Variants in PLCXD1 observed in about 807,000 individuals in gnomAD.
PLCXD1 encodes the protein phosphatidylinositol specific phospholipase C X domain containing 1.
A neutral mutation model predicts 37.8 loss-of-function variants in PLCXD1; 45 were observed. The ratio of observed to expected loss-of-function variants is 1.19; its 90% CI spans 0.94 to 1.53. PLCXD1 has a LOEUF of 1.53. Ranked by LOEUF, PLCXD1 falls within the 40% of genes most tolerant of loss-of-function variation. The pLI is 0.00. For synonymous variants in PLCXD1, 246 were observed against 206.9 expected, an observed-to-expected ratio of 1.19 and a Z score of -1.62; for missense variants, 539 against 454.7, an observed-to-expected ratio of 1.19 and a Z score of -1.69.
chrX:282,926 C>T (rs1569564365), intron 1 of PLCXD1, among the ~76,000 whole-genome samples: 3 of 128,018 alleles, frequency 2.3e-5, no homozygotes, highest in African/African-American at 6.3e-5. Context: ...ATATGTTATA[C>T]ATGTATGTTA....
chrX:278,246 G>T (rs759760664), upstream of PLCXD1, among the ~76,000 whole-genome samples: 1 of 119,424 alleles, frequency 8.4e-6, no homozygotes, highest in Non-Finnish European at 1.9e-5. Flanking sequence ...TGAAGGTGAC[G>T]GGAGGGGAGG....
rs370699823 is a variant in PLCXD1 at position 301,689 on chromosome X, A to C, written c.*2354A>C. 4 of 152,300 alleles carry C rather than the reference A, an allele frequency of 2.6e-5. No homozygotes were observed. Among genetic ancestry groups the C allele is most frequent in the East Asian group, 1.9e-4 (1 of 5,190 alleles). The allele number at this position is 152,300 out of a possible 1,614,324, so 9.4% of individuals were successfully genotyped here. A position where few individuals can be genotyped will look rare whatever the true frequency, so the allele number is the denominator to read the frequency against. On this transcript the variant is annotated 3_prime_UTR_variant, in exon 7 of 7. Transcript: ENST00000381657. ...CGCCCAGGCTGGAGTGCAGTGGCGC[A>C]GTCTCAGCTCACTGCAACCTCTGCC...
chrX:285,233 G>A (rs2069410041), intron 2 of PLCXD1, among the ~76,000 whole-genome samples: 1 of 151,886 alleles, frequency 6.6e-6, no homozygotes, highest in African/African-American at 2.4e-5. Context: ...TGTATACATG[G>A]ATGTAGGCAC....
At chrX:276,974 C>T (rs1325110356), upstream of PLCXD1, among the ~76,000 whole-genome samples, 2 of 152,132 alleles carry the variant, frequency 1.3e-5, no homozygotes, top group African/African-American at 2.4e-5. Flanking sequence ...GGCGGGTCAC[C>T]GGGCGTCTGG....
At chrX:280,355 A>G (rs369900372), upstream of PLCXD1, among the ~76,000 whole-genome samples, 10,701 of 22,538 alleles carry the variant, frequency 0.47, 1,127 homozygotes, top group East Asian at 0.52. Flanking sequence ...TGCAGGGGGA[A>G]GGGGGGCCGT....
In PLCXD1 at chrX:300,165, G is replaced by C. The variant is rs905288939; in HGVS notation, c.*830G>C. 3.9e-5 allele frequency: 6 copies of C among 151,916 alleles called. No individual in the cohort carries two copies. The highest frequency in any genetic ancestry group is 1.5e-4 in the African/African-American group (6 of 41,330). The allele number at this position is 151,916 out of a possible 1,614,324, so 9.4% of individuals were successfully genotyped here. Reference sequence around the variant, plus strand: ...AGCCTCCCAGAGTGCTGGGATGACAGTCAAGAACCACCATGGCAGCCCATA... The same window carrying C: ...AGCCTCCCAGAGTGCTGGGATGACACTCAAGAACCACCATGGCAGCCCATA... On this transcript the variant is annotated 3_prime_UTR_variant, in exon 7 of 7. Coordinates refer to ENST00000381657, the MANE Select transcript of PLCXD1 (RefSeq NM_018390.4).
chrX:289,797 C>T (rs1308224420), intron 3 of PLCXD1, among the ~76,000 whole-genome samples: 2 of 152,060 alleles, frequency 1.3e-5, no homozygotes, highest in African/African-American at 2.4e-5. Context: ...AGGCGTCAGC[C>T]ACCGCGCCCG....
chrX:288,085 G>C (rs1365097620), intron 2 of PLCXD1, among the ~76,000 whole-genome samples: 1 of 150,864 alleles, frequency 6.6e-6, no homozygotes, highest in South Asian at 2.1e-4. Flanking sequence ...CCATCTCCAC[G>C]TGGCCTCCTC....
rs1319358860 is a variant in PLCXD1, at chrX:300,456, GTGTATA to G, written c.*1125_*1130del. ...TATATATGTATGTATGTTTATACATGTGTATATGTGTGTGTGTGTGTGTATATGTGT... is the reference window on the plus strand; with the variant it reads ...TATATATGTATGTATGTTTATACATGTGTGTGTGTGTGTGTGTATATGTGT... On this transcript the variant is annotated 3_prime_UTR_variant, in exon 7 of 7. Transcript: ENST00000381657. The G allele has an allele frequency of 4.4e-5, 6 of 137,702 alleles. No individual in the cohort carries two copies. The highest frequency in any genetic ancestry group is 6.3e-5 in the Non-Finnish European group (4 of 63,562). The allele number at this position is 137,702 out of a possible 1,614,324, so 8.5% of individuals were successfully genotyped here.
At chrX:283,578 G>A (rs1456901076) in intron 1 of PLCXD1, 1 of 144,532 alleles carries the variant, frequency 6.9e-6, no homozygotes, top group Non-Finnish European at 1.5e-5. Context: ...TGTCAGGCCC[G>A]GGTGGGGGCG....
Position 293,174 on chromosome X carries a change from C to T in PLCXD1, c.689C>T (p.Ala230Val). The change falls in exon 6 of 7, where the codon GCC (alanine) becomes GTC (valine). Residue 230 changes from alanine to valine, a missense_variant. Coordinates refer to ENST00000381657, the MANE Select transcript of PLCXD1 (RefSeq NM_018390.4). ...TGGGGAAACAGGGTGAAGACCGAGG[C>T]CCTCATCCGATACCTGGAGACCATG... ...YWWGNRVKTE[A>V]LIRYLETMKS... The T allele has an allele frequency of 6.2e-7, 1 of 1,612,724 alleles. No homozygotes were observed. The highest frequency in any genetic ancestry group is 1.1e-5 in the South Asian group (1 of 91,008).
intron 6 of PLCXD1, among the ~76,000 whole-genome samples, chrX:296,913 G>A (rs2069831204): frequency 7.3e-6 from 1 of 136,950 alleles, no homozygotes; most frequent in Non-Finnish European, 1.7e-5. Flanking sequence ...GACATCTTTG[G>A]GGCCATTATT....
At chrX:289,324 T>C (rs1489537925) in intron 3 of PLCXD1, among the ~76,000 whole-genome samples, 1 of 151,970 alleles carries the variant, frequency 6.6e-6, no homozygotes. Flanking sequence ...CCTGACCTCA[T>C]GATCTGCCCG....
upstream of PLCXD1, among the ~76,000 whole-genome samples, chrX:279,081 G>C (rs2069210222): frequency 6.6e-6 from 1 of 152,100 alleles, no homozygotes; most frequent in South Asian, 2.1e-4. Context: ...AGCAAAAGGT[G>C]GTTATCTATT....
At position 284,313 on chromosome X, in the gene PLCXD1, A is replaced by T. The variant is rs956751858; in HGVS notation, c.126A>T (p.Pro42=). 1.2e-6 allele frequency: 2 copies of T among 1,612,984 alleles called. No homozygotes were observed. Among genetic ancestry groups the T allele is most frequent in the African/African-American group, 2.7e-5 (2 of 74,986 alleles). The change falls in exon 2 of 7, where the codon CCA becomes CCT. Residue 42 remains proline (P), a splice_region_variant and synonymous_variant. Transcript: ENST00000381657. ...WDVPLHHLSI[P]GSHDTMTYCL... Reference sequence around the variant, plus strand: ...TGCCCCTCCACCACCTCTCCATCCCAGGTGAGGTTGGGGTGGGGCAGGGGC... The same window carrying T: ...TGCCCCTCCACCACCTCTCCATCCCTGGTGAGGTTGGGGTGGGGCAGGGGC...
At chrX:286,283 T>C (rs1229575526) in intron 2 of PLCXD1, among the ~76,000 whole-genome samples, 2 of 152,112 alleles carry the variant, frequency 1.3e-5, no homozygotes, top group Non-Finnish European at 2.9e-5. Flanking sequence ...CAAGCTGGTC[T>C]CGAACTCCCG....
At chrX:282,516 C>T (rs1290727285) in intron 1 of PLCXD1, among the ~76,000 whole-genome samples, 5 of 151,038 alleles carry the variant, frequency 3.3e-5, no homozygotes, top group Admixed American at 6.6e-5. Flanking sequence ...ACTAGCCTGA[C>T]CAAGATAGTG....
intron 2 of PLCXD1, among the ~76,000 whole-genome samples, 162 bp downstream of exon 2, chrX:284,476 CACACAGTGCACACGTGTGTGCATACACAT>C (rs1167622237): frequency 4.6e-5 from 7 of 151,710 alleles, no homozygotes; most frequent in Non-Finnish European, 8.8e-5. Context: ...CACACACATA[CACACAGTGCACACGTGTGTGCATACACAT>C]ATGTACATAG....
At chrX:278,738 C>CAAAAA (rs549455644), upstream of PLCXD1, among the ~76,000 whole-genome samples, 95 of 102,782 alleles carry the variant, frequency 9.2e-4, 2 homozygotes, top group African/African-American at 2.7e-3. Context: ...GACTCCGTCT[C>CAAAAA]AAAAAAAAAA....
Sources: gnomAD v4.1 joint callset for allele counts (sites outside exome capture counted in the v4.1 genomes callset) on GRCh38, gnomAD v4.1.1 for gene constraint, MANE v1.5 for transcripts, NCBI Gene and HGNC (gene_info 2026-07-23, HGNC 2026-07-21) for gene names.